LINGO2: variants seen among roughly 807,000 people sequenced by gnomAD.
LINGO2 encodes leucine rich repeat and Ig domain containing 2, also known as leucine-rich repeat and immunoglobulin-like domain-containing nogo receptor-interacting protein 2.
A neutral mutation model predicts 30.6 loss-of-function variants in LINGO2; 14 were observed. The observed-to-expected ratio is 0.46, with a 90% CI of 0.30 to 0.72. The LOEUF is 0.72. Among genes scored for constraint, LINGO2 ranks in the 30% least tolerant of loss-of-function variants. The pLI, the probability that LINGO2 is intolerant of heterozygous loss-of-function variation, is 0.07. For missense variants in LINGO2, 729 were observed against 751.7 expected (o/e 0.97, Z 0.35); for synonymous variants, 317 against 288.5 (o/e 1.10, Z -1.00).
At chr9:28,164,337 A>C (rs2133614891) in intron 4 of LINGO2, among the ~76,000 whole-genome samples, 1 of 152,330 alleles carries the variant, frequency 6.6e-6, no homozygotes, top group Non-Finnish European at 1.5e-5. Flanking sequence ...CTATATTAAC[A>C]AAATATAAAT....
intron 4 of LINGO2, among the ~76,000 whole-genome samples, chr9:28,290,521 A>G (rs1185792219): frequency 1.3e-5 from 2 of 152,180 alleles, no homozygotes; most frequent in African/African-American, 4.8e-5. Flanking sequence ...ACACAACAAT[A>G]TCGCCAAGGA....
At chr9:28,108,287 G>GT in intron 4 of LINGO2, among the ~76,000 whole-genome samples, 1 of 152,254 alleles carries the variant, frequency 6.6e-6, no homozygotes, top group East Asian at 1.9e-4. Context: ...GAGGAAAGAG[G>GT]TGTGAGCTAA....
At chr9:28,434,790 G>C (rs1441733236) in intron 2 of LINGO2, among the ~76,000 whole-genome samples, 3 of 151,982 alleles carry the variant, frequency 2.0e-5, no homozygotes, top group African/African-American at 7.3e-5. Context: ...TCTAGTCTGA[G>C]TCACAGCTTG....
At chr9:28,596,478 A>G (rs1167549827) in intron 1 of LINGO2, among the ~76,000 whole-genome samples, 1 of 152,212 alleles carries the variant, frequency 6.6e-6, no homozygotes, top group Non-Finnish European at 1.5e-5. Flanking sequence ...TGATATCATA[A>G]GAAAAATCAA....
chr9:29,081,153 T>C, the LINGO2 span, among the ~76,000 whole-genome samples: 1 of 152,060 alleles, frequency 6.6e-6, no homozygotes, highest in Non-Finnish European at 1.5e-5. Flanking sequence ...ATATCCCTGA[T>C]GAACATCGAT....
chr9:28,054,967 A>G (rs563990638), intron 4 of LINGO2, among the ~76,000 whole-genome samples: 1 of 152,008 alleles, frequency 6.6e-6, no homozygotes, highest in East Asian at 1.9e-4. Flanking sequence ...AAATGTGAAT[A>G]CTCCTTACAT....
At chr9:28,799,133 C>T in the LINGO2 span, among the ~76,000 whole-genome samples, 9 of 151,972 alleles carry the variant, frequency 5.9e-5, no homozygotes, top group Non-Finnish European at 1.3e-4. Context: ...ACCAGGCTAT[C>T]ATAAAAATAG....
chr9:29,150,271 T>C, the LINGO2 span, among the ~76,000 whole-genome samples: 27 of 152,250 alleles, frequency 1.8e-4, no homozygotes, highest in African/African-American at 4.3e-4. Context: ...ATGAAGCCAA[T>C]TGAATATATT....
chr9:29,192,503 A>G, the LINGO2 span, among the ~76,000 whole-genome samples: 1 of 152,168 alleles, frequency 6.6e-6, no homozygotes, highest in Non-Finnish European at 1.5e-5. Context: ...AATAATACAG[A>G]AACACAACTA....
the LINGO2 span, among the ~76,000 whole-genome samples, chr9:29,003,612 T>C: frequency 6.6e-6 from 1 of 152,030 alleles, no homozygotes; most frequent in Non-Finnish European, 1.5e-5. Flanking sequence ...TAGTTTACTT[T>C]TTCTGAGACT....
At chr9:28,583,616 A>C (rs1330907825) in intron 1 of LINGO2, among the ~76,000 whole-genome samples, 1 of 152,042 alleles carries the variant, frequency 6.6e-6, no homozygotes, top group Admixed American at 6.6e-5. Context: ...TTTTTCTTTT[A>C]TGAATTGATG....
the LINGO2 span, among the ~76,000 whole-genome samples, chr9:28,985,087 T>A: frequency 6.6e-6 from 1 of 152,108 alleles, no homozygotes; most frequent in Non-Finnish European, 1.5e-5. Context: ...TTGACTGTTT[T>A]AGATTCCACA....
chr9:29,074,388 G>A, the LINGO2 span, among the ~76,000 whole-genome samples: 5 of 151,826 alleles, frequency 3.3e-5, no homozygotes, highest in Non-Finnish European at 7.4e-5. Flanking sequence ...ACCCACAAAC[G>A]GGCTAATAAA....
chr9:28,961,509 G>A, the LINGO2 span, among the ~76,000 whole-genome samples: 1 of 152,100 alleles, frequency 6.6e-6, no homozygotes, highest in Admixed American at 6.6e-5. Flanking sequence ...GAGAAGATAG[G>A]ATATGCACTT....
intron 4 of LINGO2, among the ~76,000 whole-genome samples, chr9:28,277,752 T>C (rs1160028124): frequency 1.3e-5 from 2 of 148,904 alleles, no homozygotes; most frequent in Non-Finnish European, 3.0e-5. Flanking sequence ...GAGGTTGGAG[T>C]TTGTAGTTAG....
At chr9:28,255,152 TTCTTC>T (rs1822339811) in intron 4 of LINGO2, among the ~76,000 whole-genome samples, 1 of 152,056 alleles carries the variant, frequency 6.6e-6, no homozygotes, top group African/African-American at 2.4e-5. Context: ...ATGTTTTCCT[TTCTTC>T]TCTTTTTACC....
chr9:28,267,178 G>A (rs1419306723), intron 4 of LINGO2, among the ~76,000 whole-genome samples: 2 of 152,036 alleles, frequency 1.3e-5, no homozygotes, highest in Admixed American at 6.6e-5. Context: ...ATTATTTCAG[G>A]ATTAAAATAC....
At chr9:28,853,921 A>G in the LINGO2 span, among the ~76,000 whole-genome samples, 1 of 151,912 alleles carries the variant, frequency 6.6e-6, no homozygotes, top group South Asian at 2.1e-4. Flanking sequence ...CTAAGCCACA[A>G]TTTCCTCTTT....
chr9:28,927,957 C>T, the LINGO2 span, among the ~76,000 whole-genome samples: 3 of 152,166 alleles, frequency 2.0e-5, no homozygotes, highest in Admixed American at 1.3e-4. Flanking sequence ...ACATGCCCTG[C>T]GGTCATTTCA....
Sources: gnomAD v4.1 joint callset for allele counts (sites outside exome capture counted in the v4.1 genomes callset) on GRCh38, gnomAD v4.1.1 for gene constraint, MANE v1.5 for transcripts, NCBI Gene and HGNC (gene_info 2026-07-23, HGNC 2026-07-21) for gene names.